ZNF490: variants seen among roughly 807,000 people sequenced by gnomAD.
ZNF490 encodes the protein zinc finger protein 490.
Under a neutral mutation model 17.7 loss-of-function variants are expected in ZNF490, and 11 were observed. The observed-to-expected ratio is 0.62, with a 90% CI of 0.39 to 1.03. ZNF490 has a LOEUF of 1.03. Ranked by LOEUF, ZNF490 falls within the 50% of genes least tolerant of loss-of-function variation. The pLI is 0.00. For missense variants in ZNF490, 542 were observed against 643.4 expected (o/e 0.84, Z 1.71); for synonymous variants, 222 against 216.1 (o/e 1.03, Z -0.24).
At chr19:12,592,441 T>C (rs2022884467) in intron 2 of ZNF490, among the ~76,000 whole-genome samples, 1 of 151,510 alleles carries the variant, frequency 6.6e-6, no homozygotes, top group Non-Finnish European at 1.5e-5. Context: ...CTTGAACATA[T>C]ATTATTAAGT....
Position 12,610,544 on chromosome 19 carries a change from T to A in ZNF490, c.117+20A>T, listed in dbSNP as rs770709871. 2 of 1,598,096 alleles carry A rather than the reference T, an allele frequency of 1.3e-6. No individual in the cohort carries two copies. Among genetic ancestry groups the A allele is most frequent in the East Asian group, 4.5e-5 (2 of 44,802 alleles). ...CTATTCCACGAGAGGCCTTACAACATTATGCCAAGCCCCTGGTACCTGGAG... is the reference window on the plus strand; with the variant it reads ...CTATTCCACGAGAGGCCTTACAACAATATGCCAAGCCCCTGGTACCTGGAG... On this transcript the variant is annotated intron_variant, in intron 1 of 4. Transcript: ENST00000311437.
chr19:12,578,858 T>A lies in ZNF490; in HGVS notation c.*1627A>T. On this transcript the variant is annotated 3_prime_UTR_variant, in exon 5 of 5. Transcript: ENST00000311437. ...TCTTCCCCATTCCTTTAATTCTTCC[T>A]ACGAAGAATCTCGACAATGGTTGCA... 7 of 985,476 alleles carry A rather than the reference T, an allele frequency of 7.1e-6. No homozygotes were observed. The highest frequency in any genetic ancestry group is 8.4e-6 in the Non-Finnish European group (7 of 829,958). The allele number at this position is 985,476 out of a possible 1,614,324, so 61.0% of individuals were successfully genotyped here.
At chr19:12,593,341 A>G (rs2022895111) in intron 2 of ZNF490, among the ~76,000 whole-genome samples, 1 of 151,176 alleles carries the variant, frequency 6.6e-6, no homozygotes, top group Non-Finnish European at 1.5e-5. Flanking sequence ...TCCGCCTCCC[A>G]GGTTCAAGCG....
chr19:12,609,070 C>T (rs1405740306), intron 2 of ZNF490, 88 bp downstream of exon 2: 3 of 1,309,408 alleles, frequency 2.3e-6, no homozygotes, highest in Non-Finnish European at 3.3e-6. Flanking sequence ...CGAAAGACCC[C>T]CCCACAAAGA....
At chr19:12,610,530 G>C (rs2023135613) in intron 1 of ZNF490, 34 bp downstream of exon 1, 1 of 1,511,284 alleles carries the variant, frequency 6.6e-7, no homozygotes, top group African/African-American at 1.4e-5. Flanking sequence ...TATTCCACGA[G>C]AGGCCTTACA....
chr19:12,591,514 A>C (rs934327886), intron 2 of ZNF490, among the ~76,000 whole-genome samples: 1 of 152,152 alleles, frequency 6.6e-6, no homozygotes, highest in Non-Finnish European at 1.5e-5. Flanking sequence ...TCCAACTACT[A>C]AAAGAACTAT....
chr19:12,602,007 GAAAAAAGT>G (rs1282323526), intron 2 of ZNF490, among the ~76,000 whole-genome samples: 2 of 143,492 alleles, frequency 1.4e-5, no homozygotes, highest in Non-Finnish European at 3.1e-5. Context: ...AAAAAAAAAA[GAAAAAAGT>G]AAAAAAAGAA....
rs2022663425 is a variant in ZNF490, at chr19:12,577,668, T to C, written c.*2817A>G. On this transcript the variant is annotated 3_prime_UTR_variant, in exon 5 of 5. Transcript: ENST00000311437. The stretch of plus-strand genomic sequence containing the variant: ...CTTGCTCCAGTCGGCCTCTGGACCC[T>C]AGTATCTTCACCGTGGTTTTGGATG... 1 of 985,396 alleles carries C rather than the reference T, an allele frequency of 1.0e-6. No individual in the cohort carries two copies. Among genetic ancestry groups the C allele is most frequent in the Admixed American group, 6.1e-5 (1 of 16,270 alleles). 61.0% of individuals were successfully genotyped at this position (985,396 alleles called of 1,614,324 possible). A position where few individuals can be genotyped will look rare whatever the true frequency, so the allele number is the denominator to read the frequency against.
intron 2 of ZNF490, among the ~76,000 whole-genome samples, chr19:12,594,771 AGAGT>A (rs2022913207): frequency 6.6e-6 from 1 of 152,200 alleles, no homozygotes; most frequent in East Asian, 1.9e-4. Flanking sequence ...CCTGGGCGAC[AGAGT>A]GAGAGTCTGT....
At chr19:12,582,800 A>G (rs368182034) in intron 4 of ZNF490, 50 bp downstream of exon 4, 14 of 1,393,558 alleles carry the variant, frequency 1.0e-5, no homozygotes, top group Non-Finnish European at 1.4e-5. Context: ...AATTTATGAA[A>G]TACTAAGATT....
intron 3 of ZNF490, 52 bp from the exon 4 acceptor site, chr19:12,582,962 A>T: frequency 1.4e-6 from 2 of 1,418,132 alleles, no homozygotes; most frequent in Non-Finnish European, 2.0e-6. Context: ...ATTATAGAAA[A>T]TTATAACACT....
Position 12,577,613 on chromosome 19 carries a change from C to G in ZNF490, c.*2872G>C, listed in dbSNP as rs1276356313. The G allele has an allele frequency of 1.0e-6, 1 of 985,406 alleles. No homozygotes were observed. The highest frequency in any genetic ancestry group is 6.1e-5 in the Admixed American group (1 of 16,270). The allele number at this position is 985,406 out of a possible 1,614,324, so 61.0% of individuals were successfully genotyped here. ...CACTGCATCTCCACAGTAGCCGTCA[C>G]TTCCACTGAGGCCTCATCTGCCAGC... On this transcript the variant is annotated 3_prime_UTR_variant, in exon 5 of 5. Coordinates refer to ENST00000311437, the MANE Select transcript of ZNF490 (RefSeq NM_020714.3).
chr19:12,578,502 T>G lies in ZNF490; in HGVS notation c.*1983A>C, dbSNP rs1467748353. On this transcript the variant is annotated 3_prime_UTR_variant, in exon 5 of 5. Coordinates refer to ENST00000311437, the MANE Select transcript of ZNF490 (RefSeq NM_020714.3). Reference sequence around the variant, plus strand: ...ATTCAGATGTGAATGTTTAAACAAGTGTCCAAAGTGTAGGTTTGAGATGGG... The same window carrying G: ...ATTCAGATGTGAATGTTTAAACAAGGGTCCAAAGTGTAGGTTTGAGATGGG... The G allele has an allele frequency of 1.7e-4, 164 of 985,224 alleles. No homozygotes were observed. Among genetic ancestry groups the G allele is most frequent in the Non-Finnish European group, 1.8e-4 (152 of 829,932 alleles). The allele number at this position is 985,224 out of a possible 1,614,324, so 61.0% of individuals were successfully genotyped here.
chr19:12,583,314 C>G lies in ZNF490; in HGVS notation c.289+116G>C. 4.8e-6 allele frequency: 6 copies of G among 1,258,510 alleles called. No homozygotes were observed. In the South Asian group the frequency reaches 9.5e-5, roughly 20 times the overall value. The allele number at this position is 1,258,510 out of a possible 1,614,324, so 78.0% of individuals were successfully genotyped here. A position where few individuals can be genotyped will look rare whatever the true frequency, so the allele number is the denominator to read the frequency against. On this transcript the variant is annotated intron_variant, in intron 3 of 4. Coordinates refer to ENST00000311437, the MANE Select transcript of ZNF490 (RefSeq NM_020714.3). ...TCAGCCTCCCAAAGCACTGGGATTA[C>G]AGGCGCGAGCCACCGTGCCTGGCCC...
At chr19:12,606,826 A>G (rs2023073692) in intron 2 of ZNF490, among the ~76,000 whole-genome samples, 1 of 152,196 alleles carries the variant, frequency 6.6e-6, no homozygotes, top group Admixed American at 6.6e-5. Context: ...GAAAGAAAAA[A>G]AATGAACAGC....
chr19:12,610,037 C>G, intron 1 of ZNF490: 1 of 429,140 alleles, frequency 2.3e-6, no homozygotes, highest in Non-Finnish European at 4.5e-6. Context: ...AACAAACAAA[C>G]AAAAAAACAA....
At chr19:12,583,756 GCTCT>G (rs1195574032) in intron 2 of ZNF490, among the ~76,000 whole-genome samples, 200 bp from the exon 3 acceptor site, 432 of 29,386 alleles carry the variant, frequency 0.015, 3 homozygotes, top group Middle Eastern at 0.04. Flanking sequence ...AAATTATTGC[GCTCT>G]CTCTCTCTCT....
intron 2 of ZNF490, among the ~76,000 whole-genome samples, chr19:12,587,296 G>A (rs1247377285): frequency 1.1e-5 from 1 of 87,624 alleles, no homozygotes; most frequent in Non-Finnish European, 3.0e-5. Context: ...ACCATCCCTT[G>A]ATAATTTTGT....
intron 4 of ZNF490, among the ~76,000 whole-genome samples, chr19:12,582,340 C>T (rs1238543235): frequency 1.4e-4 from 22 of 152,044 alleles, no homozygotes; most frequent in Admixed American, 1.4e-3. Context: ...AATTCTCCAG[C>T]CTTCACCTAC....
Sources: allele counts gnomAD v4.1 joint callset (sites outside exome capture counted in the v4.1 genomes callset), GRCh38; gene constraint gnomAD v4.1.1; transcripts MANE v1.5; gene names NCBI Gene and HGNC (gene_info 2026-07-23, HGNC 2026-07-21).